The following HAPSTR1 variants were observed in gnomAD, a reference collection of about 807,000 sequenced individuals.
HAPSTR1 encodes the protein HUWE1 associated protein modifying stress responses, also known as HUWE1-associated protein modifying stress responses 1.
the HAPSTR1 span, among the ~76,000 whole-genome samples, chr16:9,097,282 A>C: frequency 2.1e-5 from 3 of 140,668 alleles, no homozygotes. Flanking sequence ...TCATTCTGTC[A>C]CCCAGGTGGG....
chr16:9,109,542 C>A, the HAPSTR1 span: 1 of 152,272 alleles, frequency 6.6e-6, no homozygotes, highest in East Asian at 1.9e-4. Context: ...TGGAGTTAAC[C>A]CCACTGGGCC....
chr16:9,103,030 T>G, the HAPSTR1 span: 1 of 1,614,208 alleles, frequency 6.2e-7, no homozygotes, highest in Non-Finnish European at 8.5e-7. Flanking sequence ...GAATTCAGAT[T>G]GGCTATCAGC....
At chr16:9,092,461 G>A in the HAPSTR1 span, among the ~76,000 whole-genome samples, 2 of 152,122 alleles carry the variant, frequency 1.3e-5, no homozygotes, top group African/African-American at 4.8e-5. Flanking sequence ...CGGGGTTGGG[G>A]GGACAGGCCA....
the HAPSTR1 span, among the ~76,000 whole-genome samples, chr16:9,113,467 C>T: frequency 2.6e-4 from 39 of 152,234 alleles, 1 homozygote; most frequent in East Asian, 1.5e-3. Context: ...TGCTTGAAAT[C>T]CCTAGTCCAC....
At chr16:9,105,242 A>T in the HAPSTR1 span, 1 of 152,232 alleles carries the variant, frequency 6.6e-6, no homozygotes, top group African/African-American at 2.4e-5. Flanking sequence ...TTAAAACTTA[A>T]ATATAAGGCT....
chr16:9,102,211 G>A, the HAPSTR1 span, among the ~76,000 whole-genome samples: 3 of 152,244 alleles, frequency 2.0e-5, no homozygotes, highest in Non-Finnish European at 2.9e-5. Context: ...AAGTAACGAT[G>A]TTGGTTAATG....
chr16:9,092,322 C>T, the HAPSTR1 span: 5 of 1,335,386 alleles, frequency 3.7e-6, no homozygotes, highest in East Asian at 3.1e-5. Context: ...CGCCCGGGCC[C>T]GGCCCCGGCC....
the HAPSTR1 span, among the ~76,000 whole-genome samples, chr16:9,096,306 A>G: frequency 6.6e-6 from 1 of 152,258 alleles, no homozygotes; most frequent in Non-Finnish European, 1.5e-5. Flanking sequence ...AGTGCTTAAA[A>G]TGAAGGGAAG....
chr16:9,110,393 C>T, the HAPSTR1 span: 1 of 152,148 alleles, frequency 6.6e-6, no homozygotes, highest in African/African-American at 2.4e-5. Flanking sequence ...TATAAAACTG[C>T]TACTTTTTCC....
At chr16:9,096,417 A>G in the HAPSTR1 span, among the ~76,000 whole-genome samples, 295 of 152,272 alleles carry the variant, frequency 1.9e-3, 1 homozygote, top group African/African-American at 6.7e-3. Flanking sequence ...ATTGGAGTAA[A>G]TGTAAGTAGA....
At chr16:9,114,028 A>G in the HAPSTR1 span, among the ~76,000 whole-genome samples, 3 of 152,202 alleles carry the variant, frequency 2.0e-5, no homozygotes, top group East Asian at 3.8e-4. Context: ...TGCTTAGGTC[A>G]TTAGATGGAG....
At chr16:9,100,430 TTA>T in the HAPSTR1 span, among the ~76,000 whole-genome samples, 6 of 152,192 alleles carry the variant, frequency 3.9e-5, no homozygotes, top group Non-Finnish European at 7.3e-5. Context: ...TTTTTTTTTT[TTA>T]AACACCTCAC....
At chr16:9,116,383 G>A in the HAPSTR1 span, among the ~76,000 whole-genome samples, 66 of 152,330 alleles carry the variant, frequency 4.3e-4, no homozygotes, top group African/African-American at 1.3e-3. Context: ...ATAGATGGGA[G>A]AATTTAATGA....
chr16:9,091,754 C>G, the HAPSTR1 span: 1 of 397,696 alleles, frequency 2.5e-6, no homozygotes, highest in Non-Finnish European at 4.4e-6. Flanking sequence ...GGGCGTTAGA[C>G]AGGCTGCGGC....
chr16:9,115,307 T>G, the HAPSTR1 span, among the ~76,000 whole-genome samples: 1 of 152,230 alleles, frequency 6.6e-6, no homozygotes, highest in Non-Finnish European at 1.5e-5. Context: ...CCCTGTCAAA[T>G]GAAACCTCTA....
chr16:9,095,509 A>C, the HAPSTR1 span, among the ~76,000 whole-genome samples: 2 of 152,114 alleles, frequency 1.3e-5, no homozygotes, highest in Middle Eastern at 3.2e-3. Context: ...ATTTTGTATA[A>C]TATCTGACAA....
the HAPSTR1 span, among the ~76,000 whole-genome samples, chr16:9,101,031 T>C: frequency 1.3e-5 from 2 of 152,270 alleles, no homozygotes; most frequent in Non-Finnish European, 2.9e-5. Flanking sequence ...TTCTTCTAGG[T>C]AGGATAGGTT....
chr16:9,095,049 AT>A, the HAPSTR1 span, among the ~76,000 whole-genome samples: 1 of 152,200 alleles, frequency 6.6e-6, no homozygotes, highest in South Asian at 2.1e-4. Context: ...AGGAACATTA[AT>A]TTTATTTTTA....
the HAPSTR1 span, among the ~76,000 whole-genome samples, chr16:9,101,764 A>G: frequency 6.7e-6 from 1 of 149,842 alleles, no homozygotes; most frequent in East Asian, 1.9e-4. Flanking sequence ...TTTTTCTGGA[A>G]CATAGCTTTA....
Sources: gnomAD v4.1 joint callset for allele counts (sites outside exome capture counted in the v4.1 genomes callset) on GRCh38, gnomAD v4.1.1 for gene constraint, MANE v1.5 for transcripts, NCBI Gene and HGNC (gene_info 2026-07-23, HGNC 2026-07-21) for gene names.